PDE12: variants seen among roughly 807,000 people sequenced by gnomAD.
PDE12 encodes 2',5'-phosphodiesterase 12.
Under a neutral mutation model 45.4 loss-of-function variants are expected in PDE12, and 26 were observed. The ratio of observed to expected loss-of-function variants is 0.57; its 90% confidence interval spans 0.42 to 0.79. PDE12 has a LOEUF of 0.79. PDE12 is among the 30% of genes least tolerant of loss of function. PDE12 has a pLI of 0.00. For missense variants in PDE12, 668 were observed against 790.0 expected (o/e 0.85, Z 1.85); for synonymous variants, 283 against 323.9 (o/e 0.87, Z 1.36).
At chr3:57,606,970 G>T in the PDE12 span, among the ~76,000 whole-genome samples, 8 of 152,144 alleles carry the variant, frequency 5.3e-5, no homozygotes, top group Non-Finnish European at 1.0e-4. Context: ...CCTGACCCCC[G>T]AGTAGCCTAA....
chr3:57,617,969 C>T, the PDE12 span, among the ~76,000 whole-genome samples: 9 of 152,050 alleles, frequency 5.9e-5, no homozygotes, highest in South Asian at 4.2e-4. Context: ...AGAACAAAAT[C>T]GAGTCCTTCG....
chr3:57,582,899 AAGAG>A, the PDE12 span, among the ~76,000 whole-genome samples: 1 of 152,212 alleles, frequency 6.6e-6, no homozygotes, highest in Non-Finnish European at 1.5e-5. Context: ...CCTCATATGT[AAGAG>A]AGTTAGATTA....
chr3:57,631,405 A>T, the PDE12 span, among the ~76,000 whole-genome samples: 1 of 152,112 alleles, frequency 6.6e-6, no homozygotes, highest in Non-Finnish European at 1.5e-5. Flanking sequence ...CATGTTGGTC[A>T]GGCTGGTCTC....
In PDE12 at chr3:57,562,088, G is replaced by A. The variant is rs1444582527; in HGVS notation, c.*2084G>A. On this transcript the variant is annotated 3_prime_UTR_variant, in exon 3 of 3. Transcript: ENST00000311180. ...CATTTTAAAAATATGTTTTTGGGCT[G>A]TTTTCAAAGAAAGATGTTGATAGAA... The A allele has an allele frequency of 1.0e-6, 1 of 982,256 alleles. No individual in the cohort carries two copies. The highest frequency in any genetic ancestry group is 1.2e-6 in the Non-Finnish European group (1 of 827,398). The allele number at this position is 982,256 out of a possible 1,614,324, so 60.8% of individuals were successfully genotyped here.
chr3:57,577,705 C>T, the PDE12 span, among the ~76,000 whole-genome samples: 1 of 152,016 alleles, frequency 6.6e-6, no homozygotes, highest in African/African-American at 2.4e-5. Context: ...AAAATAGCCA[C>T]AAAGTAGGAA....
chr3:57,572,439 G>A, the PDE12 span: 1 of 618,374 alleles, frequency 1.6e-6, no homozygotes, highest in Non-Finnish European at 2.8e-6. Context: ...GCTACTTCTG[G>A]CTGGGCGTGG....
chr3:57,615,232 G>A, the PDE12 span, among the ~76,000 whole-genome samples: 1 of 151,982 alleles, frequency 6.6e-6, no homozygotes, highest in Non-Finnish European at 1.5e-5. Flanking sequence ...CAAACAGAAA[G>A]TTAATACTAA....
the PDE12 span, chr3:57,628,018 C>A: frequency 1.6e-6 from 1 of 629,646 alleles, no homozygotes; most frequent in South Asian, 3.2e-5. Context: ...AAAGTGGAAC[C>A]ACCACAGATA....
the PDE12 span, among the ~76,000 whole-genome samples, chr3:57,599,660 A>G: frequency 0.013 from 1,985 of 152,278 alleles, 46 homozygotes; most frequent in African/African-American, 0.046. Context: ...TTTCAGTAAG[A>G]ATACACTACA....
the PDE12 span, chr3:57,628,295 C>T: frequency 6.2e-7 from 1 of 1,614,156 alleles, no homozygotes; most frequent in Non-Finnish European, 8.5e-7. Context: ...GTGTCCGTAA[C>T]TTTTCCATAG....
At chr3:57,577,220 G>C in the PDE12 span, 1 of 989,714 alleles carries the variant, frequency 1.0e-6, no homozygotes. Context: ...CAATCCATTT[G>C]TGTAATCTAA....
chr3:57,600,017 A>G, the PDE12 span: 1 of 151,784 alleles, frequency 6.6e-6, no homozygotes, highest in Admixed American at 6.6e-5. Flanking sequence ...CCACTACACT[A>G]TACTACCTTC....
Position 57,560,123 on chromosome 3 carries a change from T to G in PDE12, c.*119T>G. On this transcript the variant is annotated 3_prime_UTR_variant, in exon 3 of 3. Coordinates refer to ENST00000311180, the MANE Select transcript of PDE12 (RefSeq NM_177966.7). ...GGAATGGTAAAATGTTCAGCCCTCCTAGTTATGTTCCTGATGTCTTCGTTA... is the reference window on the plus strand; with the variant it reads ...GGAATGGTAAAATGTTCAGCCCTCCGAGTTATGTTCCTGATGTCTTCGTTA... 6.9e-7 allele frequency: 1 copy of G among 1,453,010 alleles called. No homozygotes were observed. Among genetic ancestry groups the G allele is most frequent in the South Asian group, 1.5e-5 (1 of 68,486 alleles). The allele number at this position is 1,453,010 out of a possible 1,614,324, so 90.0% of individuals were successfully genotyped here. A position where few individuals can be genotyped will look rare whatever the true frequency, so the allele number is the denominator to read the frequency against.
At chr3:57,652,174 G>A in the PDE12 span, among the ~76,000 whole-genome samples, 1 of 152,214 alleles carries the variant, frequency 6.6e-6, no homozygotes, top group Non-Finnish European at 1.5e-5. Flanking sequence ...GTAATTAACA[G>A]AATACGGTAG....
the PDE12 span, among the ~76,000 whole-genome samples, chr3:57,603,333 ATTT>A: frequency 2.6e-5 from 4 of 151,796 alleles, no homozygotes; most frequent in Non-Finnish European, 5.9e-5. Context: ...TTTCATGTTT[ATTT>A]TTTATTTATT....
the PDE12 span, among the ~76,000 whole-genome samples, chr3:57,581,997 A>G: frequency 0.75 from 113,809 of 152,070 alleles, 44,698 homozygotes; most frequent in East Asian, 1. Flanking sequence ...CATAACAAAG[A>G]AAAAACTCCC....
the PDE12 span, among the ~76,000 whole-genome samples, chr3:57,595,893 G>A: frequency 6.6e-6 from 1 of 151,936 alleles, no homozygotes; most frequent in African/African-American, 2.4e-5. Context: ...GGAGGTTGCA[G>A]TGAGCCGAGA....
Position 57,563,446 on chromosome 3 carries a change from C to T in PDE12, c.*3442C>T, listed in dbSNP as rs1315571419. The T allele has an allele frequency of 6.6e-6, 1 of 152,194 alleles. No individual in the cohort carries two copies. Among genetic ancestry groups the T allele is most frequent in the Non-Finnish European group, 1.5e-5 (1 of 68,032 alleles). 9.4% of individuals were successfully genotyped at this position (152,194 alleles called of 1,614,324 possible). A position where few individuals can be genotyped will look rare whatever the true frequency, so the allele number is the denominator to read the frequency against. On this transcript the variant is annotated 3_prime_UTR_variant, in exon 3 of 3. Coordinates refer to ENST00000311180, the MANE Select transcript of PDE12 (RefSeq NM_177966.7). ...ATACATGTGCCATGTTGGTTTGCTG[C>T]ACCCGTTAACTCGTCATTTACATTA...
At chr3:57,567,536 G>C (rs2069797281), downstream of PDE12, among the ~76,000 whole-genome samples, 1 of 152,100 alleles carries the variant, frequency 6.6e-6, no homozygotes, top group African/African-American at 2.4e-5. Context: ...TAAAGGGATA[G>C]TCCTCTAAAA....
Sources: allele counts gnomAD v4.1 joint callset (sites outside exome capture counted in the v4.1 genomes callset), GRCh38; gene constraint gnomAD v4.1.1; transcripts MANE v1.5; gene names NCBI Gene and HGNC (gene_info 2026-07-23, HGNC 2026-07-21).